SDK1: variants seen among roughly 807,000 people sequenced by gnomAD.
SDK1 encodes the protein sidekick cell adhesion molecule 1.
A neutral mutation model predicts 245.5 loss-of-function variants in SDK1; 157 were observed. That is an observed-to-expected ratio of 0.64 (90% CI 0.56 to 0.73). The LOEUF is 0.73. SDK1 is among the 30% of genes least tolerant of loss of function. SDK1 has a pLI of 0.00. For missense variants in SDK1, 3,583 were observed against 3,002.3 expected (o/e 1.19, Z -4.52); for synonymous variants, 1,647 against 1,278.5 (o/e 1.29, Z -6.15).
At chr7:3,844,638 C>T (rs891304612) in intron 5 of SDK1, among the ~76,000 whole-genome samples, 1 of 152,194 alleles carries the variant, frequency 6.6e-6, no homozygotes, top group African/African-American at 2.4e-5. Context: ...ACTATAATTT[C>T]AACAAGGAAG....
chr7:3,870,432 C>A (rs182807949), intron 5 of SDK1, among the ~76,000 whole-genome samples: 5 of 152,028 alleles, frequency 3.3e-5, no homozygotes, highest in African/African-American at 7.2e-5. Flanking sequence ...AAGGACTTAG[C>A]GGGTGTCATA....
chr7:3,858,779 A>C (rs919025761), intron 5 of SDK1, among the ~76,000 whole-genome samples: 1 of 151,546 alleles, frequency 6.6e-6, no homozygotes, highest in African/African-American at 2.4e-5. Context: ...TACTAGAATA[A>C]GAATGAGCAA....
At chr7:3,447,345 A>G (rs1437340646) in intron 1 of SDK1, among the ~76,000 whole-genome samples, 2 of 152,138 alleles carry the variant, frequency 1.3e-5, no homozygotes, top group African/African-American at 2.4e-5. Context: ...AAATAATGTG[A>G]TATTAATCTC....
chr7:3,868,196 C>T (rs1780868276), intron 5 of SDK1, among the ~76,000 whole-genome samples: 1 of 152,166 alleles, frequency 6.6e-6, no homozygotes, highest in Non-Finnish European at 1.5e-5. Context: ...TGTCATCACC[C>T]ACTAGAAGTG....
chr7:3,552,686 A>C lies in SDK1; in HGVS notation c.299-66394A>C, dbSNP rs140507276. Reference sequence around the variant, plus strand: ...TTATTCATGGCTGTGAATCATATTGAGCCATTTGTCTTAGCTGTCATGCAA... The same window carrying C: ...TTATTCATGGCTGTGAATCATATTGCGCCATTTGTCTTAGCTGTCATGCAA... On this transcript the variant is annotated intron_variant, in intron 1 of 44. Coordinates refer to ENST00000404826, the MANE Select transcript of SDK1 (RefSeq NM_152744.4). 4.0e-3 allele frequency among the ~76,000 whole-genome samples: 609 copies of C among 152,276 alleles called. 7 individuals carry two copies. Among genetic ancestry groups the C allele is most frequent in the African/African-American group, 0.014 (569 of 41,560 alleles).
At chr7:4,134,906 A>T (rs1420623948) in intron 28 of SDK1, 4 of 152,310 alleles carry the variant, frequency 2.6e-5, no homozygotes, top group African/African-American at 9.6e-5. Flanking sequence ...ACACGTGGGG[A>T]GGCTCTGGCC....
At chr7:4,170,241 G>C (rs1781753731) in intron 32 of SDK1, among the ~76,000 whole-genome samples, 1 of 152,198 alleles carries the variant, frequency 6.6e-6, no homozygotes, top group African/African-American at 2.4e-5. Context: ...AAGCCCAGTA[G>C]TTCGAGACCA....
intron 1 of SDK1, among the ~76,000 whole-genome samples, chr7:3,528,242 G>A (rs1370410534): frequency 7.3e-6 from 1 of 136,130 alleles, no homozygotes; most frequent in Non-Finnish European, 1.6e-5. Flanking sequence ...AATGTTGGAT[G>A]ATATTCAGCT....
At chr7:3,514,793 G>A (rs143866819) in intron 1 of SDK1, among the ~76,000 whole-genome samples, 2 of 152,286 alleles carry the variant, frequency 1.3e-5, no homozygotes, top group East Asian at 1.9e-4. Context: ...TGAAAATCAG[G>A]ATTTGTATTA....
chr7:4,202,552 G>A (rs886185217), intron 35 of SDK1, among the ~76,000 whole-genome samples: 4 of 152,192 alleles, frequency 2.6e-5, no homozygotes, highest in South Asian at 2.1e-4. Context: ...CAGTTGGAGC[G>A]ACCGCCAGTC....
At chr7:3,313,691 G>C (rs761357769) in intron 1 of SDK1, among the ~76,000 whole-genome samples, 2 of 152,120 alleles carry the variant, frequency 1.3e-5, no homozygotes, top group Non-Finnish European at 2.9e-5. Flanking sequence ...GGAGATGTTG[G>C]TCAAAGGATA....
chr7:3,782,827 A>G (rs1780785362), intron 4 of SDK1, among the ~76,000 whole-genome samples: 3 of 152,214 alleles, frequency 2.0e-5, no homozygotes, highest in African/African-American at 7.2e-5. Context: ...TTCTAAGTTG[A>G]ACTTTTATAA....
chr7:4,017,244 G>C lies in SDK1; in HGVS notation c.2494G>C (p.Val832Leu), dbSNP rs1249198537. ...CAGCCCGGAGGTGAACTACTGCCTG[G>C]TGACAGACCTGATCATCTGGACACA... ...ITSPEVNYCLVTDLIIWTQYE... is the reference protein window; with the variant it reads ...ITSPEVNYCLLTDLIIWTQYE... Residue 832 changes from valine (V) to leucine (L), a missense_variant, in exon 17 of 45, where the codon GTG becomes CTG. Val to Leu is a conservative substitution (Grantham distance 32). Transcript: ENST00000404826. 6.2e-7 allele frequency: 1 copy of C among 1,614,004 alleles called. No homozygotes were observed. Among genetic ancestry groups the C allele is most frequent in the Non-Finnish European group, 8.5e-7 (1 of 1,180,010 alleles).
intron 4 of SDK1, among the ~76,000 whole-genome samples, chr7:3,653,550 G>T (rs564957979): frequency 1.3e-5 from 2 of 152,168 alleles, no homozygotes; most frequent in African/African-American, 4.8e-5. Context: ...GGAGAAGCCA[G>T]TGGAGGAAGG....
At chr7:3,525,535 A>G (rs972645695) in intron 1 of SDK1, among the ~76,000 whole-genome samples, 1 of 152,052 alleles carries the variant, frequency 6.6e-6, no homozygotes, top group Non-Finnish European at 1.5e-5. Flanking sequence ...CAACCTGGAA[A>G]GTGTTTTTGG....
chr7:3,827,612 A>T (rs1255606390), intron 5 of SDK1, among the ~76,000 whole-genome samples: 1 of 152,244 alleles, frequency 6.6e-6, no homozygotes, highest in African/African-American at 2.4e-5. Context: ...CTTCATTACA[A>T]ATAACTTGAT....
chr7:3,535,429 A>T (rs1778854418), intron 1 of SDK1, among the ~76,000 whole-genome samples: 1 of 152,164 alleles, frequency 6.6e-6, no homozygotes, highest in Admixed American at 6.5e-5. Context: ...AATGCCAACA[A>T]CATCTGATTA....
At chr7:3,733,815 G>A (rs1224549674) in intron 4 of SDK1, among the ~76,000 whole-genome samples, 2 of 152,094 alleles carry the variant, frequency 1.3e-5, no homozygotes, top group African/African-American at 2.4e-5. Context: ...CACTCATAAC[G>A]CCGATTATGA....
intron 4 of SDK1, among the ~76,000 whole-genome samples, chr7:3,686,973 A>G (rs1784301315): frequency 6.6e-6 from 1 of 151,070 alleles, no homozygotes; most frequent in Admixed American, 6.6e-5. Context: ...TGGGATGGGA[A>G]CTTCAACTTG....
Sources: gnomAD v4.1 joint callset for allele counts (sites outside exome capture counted in the v4.1 genomes callset) on GRCh38, gnomAD v4.1.1 for gene constraint, MANE v1.5 for transcripts, NCBI Gene and HGNC (gene_info 2026-07-23, HGNC 2026-07-21) for gene names.